SORD: variants seen among roughly 807,000 people sequenced by gnomAD.
The protein encoded by SORD is (R,R)-butanediol dehydrogenase.
In SORD, 18 loss-of-function variants were observed where a neutral mutation model predicts 35.6. The ratio of observed to expected loss-of-function variants is 0.51; its 90% CI spans 0.35 to 0.75. The LOEUF is 0.75. Ranked by LOEUF, SORD falls within the 30% of genes least tolerant of loss-of-function variation. The probability of loss-of-function intolerance (pLI) is 0.01; values close to 1 mark genes in which losing one functional copy is unlikely to be tolerated. For missense variants in SORD, 250 were observed against 390.2 expected (o/e 0.64, Z 3.03); for synonymous variants, 106 against 152.9 (o/e 0.69, Z 2.26).
At chr15:45,042,701 G>A (rs1892987284) in intron 2 of SORD, among the ~76,000 whole-genome samples, 1 of 151,890 alleles carries the variant, frequency 6.6e-6, no homozygotes, top group African/African-American at 2.4e-5. Context: ...CTCTTAAGTG[G>A]TTGGTACATT....
intron 1 of SORD, among the ~76,000 whole-genome samples, chr15:45,034,791 C>A (rs1892834115): frequency 6.6e-6 from 1 of 152,258 alleles, no homozygotes; most frequent in Non-Finnish European, 1.5e-5. Flanking sequence ...CTGGGTTGGC[C>A]AAGGCCGGAG....
intron 3 of SORD, among the ~76,000 whole-genome samples, chr15:45,057,674 T>C (rs1046831894): frequency 1.3e-5 from 2 of 152,066 alleles, no homozygotes; most frequent in African/African-American, 4.8e-5. Flanking sequence ...TCCCAGCTAC[T>C]TGGGAGGCTG....
intron 4 of SORD, among the ~76,000 whole-genome samples, chr15:45,063,715 A>G (rs879115201): frequency 4.7e-3 from 713 of 152,224 alleles, no homozygotes; most frequent in African/African-American, 0.013. Context: ...GAGCCCTTAT[A>G]AGTTCCTCAG....
intron 2 of SORD, 54 bp downstream of exon 2, chr15:45,040,495 G>T: frequency 7.6e-7 from 1 of 1,320,770 alleles, no homozygotes; most frequent in Admixed American, 1.7e-5. Context: ...TGTTTCCTTT[G>T]GAGTCACATG....
intron 3 of SORD, among the ~76,000 whole-genome samples, chr15:45,057,725 G>C (rs1433301915): frequency 1.3e-5 from 2 of 152,188 alleles, no homozygotes; most frequent in African/African-American, 4.8e-5. Context: ...AGAGCTTGCA[G>C]TGAGCCCAGA....
chr15:45,068,315 A>T, intron 6 of SORD, 69 bp downstream of exon 6: 1 of 1,125,878 alleles, frequency 8.9e-7, no homozygotes. Flanking sequence ...TGCATGTGTG[A>T]GGAGAGGTTA....
intron 1 of SORD, among the ~76,000 whole-genome samples, chr15:45,034,292 C>T (rs1178490446): frequency 6.6e-6 from 1 of 152,050 alleles, no homozygotes; most frequent in Non-Finnish European, 1.5e-5. Flanking sequence ...TGTTGACAGG[C>T]AGTTCCAGAA....
At chr15:45,029,374 G>T (rs1018166632) in intron 1 of SORD, among the ~76,000 whole-genome samples, 1 of 88,494 alleles carries the variant, frequency 1.1e-5, no homozygotes, top group Non-Finnish European at 1.8e-5. Flanking sequence ...CGCCAGACCT[G>T]TGGAGTACTG....
chr15:45,072,698 T>TC (rs887799144), intron 8 of SORD, among the ~76,000 whole-genome samples: 4 of 141,892 alleles, frequency 2.8e-5, no homozygotes, highest in South Asian at 2.1e-4. Context: ...CTGCTGCTTA[T>TC]CCCCCCCAGG....
At chr15:45,028,895 G>A (rs1283135501) in intron 1 of SORD, among the ~76,000 whole-genome samples, 170 of 152,310 alleles carry the variant, frequency 1.1e-3, no homozygotes, top group African/African-American at 4.0e-3. Context: ...ATGGTATAAT[G>A]AGAGGGCATG....
chr15:45,028,436 C>T (rs1193602232), intron 1 of SORD, among the ~76,000 whole-genome samples: 3 of 152,242 alleles, frequency 2.0e-5, no homozygotes, highest in African/African-American at 7.2e-5. Context: ...TGCACTTTAT[C>T]TCCCTTCTTC....
chr15:45,030,008 T>C (rs74011323), intron 1 of SORD, among the ~76,000 whole-genome samples: 30,972 of 150,286 alleles, frequency 0.21, no homozygotes, highest in African/African-American at 0.44. Context: ...TGTAGAAAAC[T>C]ACTTAGGAAA....
In SORD at chr15:45,023,211, G is replaced by A; in HGVS notation, c.-73G>A. The A allele has an allele frequency of 3.0e-6, 4 of 1,340,506 alleles. No homozygotes were observed. Among genetic ancestry groups the A allele is most frequent in the Non-Finnish European group, 4.0e-6 (4 of 1,000,838 alleles). 83.0% of individuals were successfully genotyped at this position (1,340,506 alleles called of 1,614,324 possible). A position where few individuals can be genotyped will look rare whatever the true frequency, so the allele number is the denominator to read the frequency against. ...CTTCCATCCAGTGCCCTGGACCCTC[G>A]GCTGGGTAGCGCCACCAGAGCGACC... On this transcript the variant is annotated 5_prime_UTR_variant, in exon 1 of 9. Transcript: ENST00000267814.
At chr15:45,040,291 G>A (rs1892945356) in intron 1 of SORD, 117 bp from the exon 2 acceptor site, 7 of 737,472 alleles carry the variant, frequency 9.5e-6, no homozygotes, top group Non-Finnish European at 1.6e-5. Context: ...CTGAGCTTGT[G>A]TTAATTCTAA....
chr15:45,030,846 G>T (rs145829382), intron 1 of SORD, among the ~76,000 whole-genome samples: 42 of 152,340 alleles, frequency 2.8e-4, no homozygotes, highest in African/African-American at 1.0e-3. Context: ...CTTGCAGGAG[G>T]TGATGCCTGA....
intron 1 of SORD, among the ~76,000 whole-genome samples, chr15:45,031,655 C>G (rs1892788430): frequency 6.6e-6 from 1 of 152,134 alleles, no homozygotes. Context: ...CAGGGTTTCA[C>G]CATGTTGCCC....
At chr15:45,063,763 C>G (rs1440807010) in intron 4 of SORD, among the ~76,000 whole-genome samples, 1 of 152,182 alleles carries the variant, frequency 6.6e-6, no homozygotes, top group Non-Finnish European at 1.5e-5. Context: ...GTCTAGGAAC[C>G]TGTGGAGTCC....
intron 3 of SORD, among the ~76,000 whole-genome samples, chr15:45,056,162 A>G (rs1893211357): frequency 6.6e-6 from 1 of 151,610 alleles, no homozygotes; most frequent in Non-Finnish European, 1.5e-5. Context: ...GGAGAAGGAA[A>G]TAAAGGGTAT....
At chr15:45,027,885 G>A (rs1375259466) in intron 1 of SORD, among the ~76,000 whole-genome samples, 9 of 152,234 alleles carry the variant, frequency 5.9e-5, no homozygotes, top group African/African-American at 2.2e-4. Flanking sequence ...TTAATATATT[G>A]ACTGCCTACT....
Sources: gnomAD v4.1 joint callset for allele counts (sites outside exome capture counted in the v4.1 genomes callset) on GRCh38, gnomAD v4.1.1 for gene constraint, MANE v1.5 for transcripts, NCBI Gene and HGNC (gene_info 2026-07-23, HGNC 2026-07-21) for gene names.